The following TMED8 variants were observed in gnomAD, a reference collection of about 807,000 sequenced individuals.
TMED8 encodes the protein protein TMED8.
TMED8 carries 15 observed loss-of-function variants against 32.7 expected under a neutral mutation model. That is an observed-to-expected ratio of 0.46 (90% confidence interval 0.31 to 0.71). The LOEUF (loss-of-function observed/expected upper bound fraction) is 0.71. Ranked by LOEUF, TMED8 falls within the 30% of genes least tolerant of loss-of-function variation. The pLI is 0.06. For synonymous variants in TMED8, 147 were observed against 161.4 expected (o/e 0.91, Z 0.68); for missense variants, 390 against 423.9 (o/e 0.92, Z 0.70).
intron 5 of TMED8, among the ~76,000 whole-genome samples, chr14:77,342,527 C>T (rs547120354): frequency 2.6e-5 from 4 of 152,070 alleles, no homozygotes; most frequent in East Asian, 1.9e-4. Flanking sequence ...TGAAGAAGCA[C>T]GTTAAAGGAC....
chr14:77,346,293 T>C (rs1372158193), intron 3 of TMED8, 56 bp downstream of exon 3: 2 of 1,590,698 alleles, frequency 1.3e-6, no homozygotes, highest in East Asian at 2.2e-5. Flanking sequence ...CCAACCACTA[T>C]GTGTCCACAT....
In TMED8 at chr14:77,341,846, G is replaced by A. The variant is rs111985266; in HGVS notation, c.903C>T (p.Tyr301=). 2.5e-5 allele frequency: 40 copies of A among 1,613,762 alleles called. No individual in the cohort carries two copies. In the African/African-American group the frequency reaches 3.6e-4, roughly 15 times the overall value. ...GSHDYPGEGI[Y]LLKFDNSYSL... ...AGTAGGAGTTGTCGAACTTGAGCAG[G>A]TAGATGCCCTCACCAGGGTAGTCAT... Residue 301 remains tyrosine, a synonymous_variant, in exon 6 of 6, where the codon TAC becomes TAT. Transcript: ENST00000216468.
At chr14:77,359,190 A>G (rs1214746739) in intron 1 of TMED8, among the ~76,000 whole-genome samples, 1 of 152,186 alleles carries the variant, frequency 6.6e-6, no homozygotes, top group Admixed American at 6.5e-5. Flanking sequence ...GATTACAGGC[A>G]TGAGCCACTG....
At chr14:77,360,999 CAG>C in intron 1 of TMED8, among the ~76,000 whole-genome samples, 1 of 109,128 alleles carries the variant, frequency 9.2e-6, no homozygotes, top group African/African-American at 3.6e-5. Flanking sequence ...TTTTTTCAGA[CAG>C]AGTCTCACTC....
At chr14:77,345,262 C>T (rs1383285245) in intron 3 of TMED8, among the ~76,000 whole-genome samples, 1 of 152,292 alleles carries the variant, frequency 6.6e-6, no homozygotes, top group East Asian at 1.9e-4. Flanking sequence ...GCTGGGATTA[C>T]AGGCATGAGC....
At position 77,341,842 on chromosome 14, in the gene TMED8, G is replaced by A. The variant is rs1892906667; in HGVS notation, c.907C>T (p.Leu303Phe). Residue 303 changes from leucine to phenylalanine, a missense_variant, in exon 6 of 6, where the codon CTC (leucine) becomes TTC (phenylalanine). Transcript: ENST00000216468. The stretch of plus-strand genomic sequence containing the variant: ...AGGGAGTAGGAGTTGTCGAACTTGA[G>A]CAGGTAGATGCCCTCACCAGGGTAG... The part of the protein sequence containing the change: ...HDYPGEGIYL[L>F]KFDNSYSLLR... The A allele has an allele frequency of 6.2e-7, 1 of 1,613,928 alleles. No homozygotes were observed.
intron 3 of TMED8, among the ~76,000 whole-genome samples, chr14:77,345,286 CAGTT>C (rs1445010081): frequency 6.6e-6 from 1 of 152,212 alleles, no homozygotes; most frequent in Non-Finnish European, 1.5e-5. Flanking sequence ...CGGGCCCAGC[CAGTT>C]TCCTCATTTC....
chr14:77,372,934 ATATATATATATATATATATTTTTTT>A (rs1243053308), intron 1 of TMED8, among the ~76,000 whole-genome samples: 9 of 30,440 alleles, frequency 3.0e-4, no homozygotes, highest in Non-Finnish European at 4.5e-4. Flanking sequence ...ATATATATAT[ATATATATATATATATATATTTTTTT>A]TTTTTTTTTT....
At chr14:77,373,028 C>T (rs1227338304) in intron 1 of TMED8, among the ~76,000 whole-genome samples, 8 of 122,336 alleles carry the variant, frequency 6.5e-5, no homozygotes, top group Non-Finnish European at 1.3e-4. Context: ...TGCAGTGGTG[C>T]AATCTCGGCT....
chr14:77,375,685 G>C (rs1893796440), intron 1 of TMED8, among the ~76,000 whole-genome samples: 2 of 152,186 alleles, frequency 1.3e-5, no homozygotes, highest in African/African-American at 4.8e-5. Context: ...AGCATTATGA[G>C]AGGGAAGATA....
At chr14:77,349,409 C>T (rs759195369) in intron 2 of TMED8, among the ~76,000 whole-genome samples, 3 of 152,060 alleles carry the variant, frequency 2.0e-5, no homozygotes, top group Non-Finnish European at 4.4e-5. Flanking sequence ...TGAGCCACCT[C>T]GCCCAGCCCT....
At chr14:77,358,896 T>TG (rs886823681) in intron 1 of TMED8, among the ~76,000 whole-genome samples, 77 of 152,184 alleles carry the variant, frequency 5.1e-4, no homozygotes, top group South Asian at 2.3e-3. Context: ...TGCAACTTTT[T>TG]TTTGTTTGTT....
In TMED8 at chr14:77,341,772, C is replaced by T. The variant is rs1892903805; in HGVS notation, c.977G>A (p.Ter326=). The part of the protein sequence containing the change: ...TLYFHIYYTS[*] ...GCCTGCCCCTGTCCCAGCAGTCCTT[C>T]AGCTGGTGTAGTAGATGTGGAAGTA... The change falls in exon 6 of 6, where the codon TGA becomes TAA. Residue 326 remains the stop codon, a stop_retained_variant. Transcript: ENST00000216468. 1 of 1,614,172 alleles carries T rather than the reference C, an allele frequency of 6.2e-7. No homozygotes were observed. Among genetic ancestry groups the T allele is most frequent in the Non-Finnish European group, 8.5e-7 (1 of 1,180,012 alleles).
rs1304841801 is a variant in TMED8, at chr14:77,339,631, C to T, written c.*2140G>A. On this transcript the variant is annotated 3_prime_UTR_variant, in exon 6 of 6. Transcript: ENST00000216468. ...TGATTCAACTTCAATGATGCAAGAGCGGTCACTCAGCTATCCAATGGGATG... is the reference window on the plus strand; with the variant it reads ...TGATTCAACTTCAATGATGCAAGAGTGGTCACTCAGCTATCCAATGGGATG... 5 of 152,182 alleles carry T rather than the reference C, an allele frequency of 3.3e-5. No individual in the cohort carries two copies. Among genetic ancestry groups the T allele is most frequent in the African/African-American group, 7.2e-5 (3 of 41,436 alleles). The allele number at this position is 152,182 out of a possible 1,614,324, so 9.4% of individuals were successfully genotyped here.
intron 1 of TMED8, among the ~76,000 whole-genome samples, chr14:77,361,437 G>A (rs1381339542): frequency 6.6e-6 from 1 of 152,132 alleles, no homozygotes; most frequent in African/African-American, 2.4e-5. Flanking sequence ...CTGATCTGCT[G>A]TTTTTATACT....
intron 1 of TMED8, among the ~76,000 whole-genome samples, chr14:77,374,586 G>A (rs1309859785): frequency 6.6e-6 from 1 of 152,182 alleles, no homozygotes; most frequent in Non-Finnish European, 1.5e-5. Context: ...GAACATTCTT[G>A]GTTATCTCAA....
At position 77,367,708 on chromosome 14, in the gene TMED8, T is replaced by C. The variant is rs541885190; in HGVS notation, c.118+9228A>G. ...TTAACTTTCTTTCTTTTTTTTTTTTTCTGAGACAGAATCTCACTCTTGTTG... is the reference window on the plus strand; with the variant it reads ...TTAACTTTCTTTCTTTTTTTTTTTTCCTGAGACAGAATCTCACTCTTGTTG... On this transcript the variant is annotated intron_variant, in intron 1 of 5. Transcript: ENST00000216468. Among the ~76,000 whole-genome samples, 5 of 152,106 alleles carry C rather than the reference T, an allele frequency of 3.3e-5. No individual in the cohort carries two copies. In the South Asian group the frequency reaches 1.0e-3, roughly 32 times the overall value.
Position 77,343,816 on chromosome 14 carries a change from T to G in TMED8, c.335A>C (p.Lys112Thr). 2 of 1,613,518 alleles carry G rather than the reference T, an allele frequency of 1.2e-6. No individual in the cohort carries two copies. Among genetic ancestry groups the G allele is most frequent in the South Asian group, 2.2e-5 (2 of 90,998 alleles). ...CCCAGACCTCTGTGGAACTTGATAC[T>G]TAGCCATCTGCACAACAGAACTCTG... is the stretch of plus-strand genomic sequence containing the variant. ...DQAQVLNEMA[K>T]YQVPQRSGDI... is the part of the protein sequence containing the mutation. The change falls in exon 4 of 6, where the codon AAG (lysine) becomes ACG (threonine). Residue 112 changes from lysine (K) to threonine (T), a missense_variant. By Grantham distance (78) the Lys-to-Thr change is moderately conservative. Coordinates refer to ENST00000216468, the MANE Select transcript of TMED8 (RefSeq NM_213601.3).
chr14:77,367,756 C>A (rs1352924698), intron 1 of TMED8, among the ~76,000 whole-genome samples: 2 of 151,536 alleles, frequency 1.3e-5, no homozygotes, highest in Non-Finnish European at 2.9e-5. Flanking sequence ...TGCAATGGTG[C>A]AATCTCGGCT....
Sources: allele counts gnomAD v4.1 joint callset (sites outside exome capture counted in the v4.1 genomes callset), GRCh38; gene constraint gnomAD v4.1.1; transcripts MANE v1.5; gene names NCBI Gene and HGNC (gene_info 2026-07-23, HGNC 2026-07-21).